The following ANO1 variants were observed in gnomAD, a reference collection of about 807,000 sequenced individuals.
ANO1 encodes the protein anoctamin 1.
In ANO1, 59 loss-of-function variants were observed where a neutral mutation model predicts 124.0. The ratio of observed to expected loss-of-function variants is 0.48; its 90% CI spans 0.39 to 0.59. The LOEUF (loss-of-function observed/expected upper bound fraction) is 0.59. Among genes scored for constraint, ANO1 ranks in the 20% least tolerant of loss-of-function variants. ANO1 has a pLI of 0.00. For missense variants in ANO1, 1,059 were observed against 1,328.0 expected, an observed-to-expected ratio of 0.80 and a Z score of 3.15; for synonymous variants, 529 against 532.0, an observed-to-expected ratio of 0.99 and a Z score of 0.08.
At chr11:70,028,825 G>A (rs57914328) in intron 1 of ANO1, among the ~76,000 whole-genome samples, 46,949 of 151,910 alleles carry the variant, frequency 0.31, 7,849 homozygotes, top group Admixed American at 0.38. Flanking sequence ...TTTGTTGCCC[G>A]GGCTAGAGTG....
At chr11:70,028,608 C>T (rs1297065124) in intron 1 of ANO1, among the ~76,000 whole-genome samples, 1 of 152,106 alleles carries the variant, frequency 6.6e-6, no homozygotes, top group African/African-American at 2.4e-5. Flanking sequence ...GCTCCCCAAC[C>T]CCCACCACAC....
At chr11:70,085,382 G>C in intron 1 of ANO1, 1 of 1,458,396 alleles carries the variant, frequency 6.9e-7, no homozygotes, top group East Asian at 2.6e-5. Context: ...AGCACCCTCA[G>C]ACTTTGTCAC....
intron 11 of ANO1, among the ~76,000 whole-genome samples, chr11:70,133,059 G>A (rs149626133): frequency 6.0e-4 from 91 of 152,262 alleles, no homozygotes; most frequent in African/African-American, 2.0e-3. Context: ...GGGCCTCTCC[G>A]TCCCACCTCG....
At chr11:70,080,512 G>T (rs2044169105) in intron 1 of ANO1, among the ~76,000 whole-genome samples, 2 of 152,196 alleles carry the variant, frequency 1.3e-5, no homozygotes, top group Non-Finnish European at 2.9e-5. Flanking sequence ...TGGATGCTCT[G>T]GGGGTAGACT....
chr11:69,971,815 C>T, the ANO1 span, among the ~76,000 whole-genome samples: 8 of 152,126 alleles, frequency 5.3e-5, no homozygotes, highest in South Asian at 6.2e-4. Flanking sequence ...CTCACCTTCA[C>T]GACTGCCGGA....
In ANO1 at chr11:70,159,129, T is replaced by C. The variant is rs78350427; in HGVS notation, c.1579-2032T>C. 6.3e-3 allele frequency among the ~76,000 whole-genome samples: 952 copies of C among 152,236 alleles called. 6 individuals carry two copies. Among genetic ancestry groups the C allele is most frequent in the African/African-American group, 0.022 (906 of 41,552 alleles). On this transcript the variant is annotated intron_variant, in intron 16 of 25. Transcript: ENST00000355303. ...CACGATGCCATCAGAGTCACTGGCT[T>C]CTCTGACCTTCTGCTAGCCTGTCCT... is the stretch of plus-strand genomic sequence containing the variant.
At chr11:70,020,121 G>A (rs1555002485) in intron 1 of ANO1, among the ~76,000 whole-genome samples, 1 of 152,232 alleles carries the variant, frequency 6.6e-6, no homozygotes, top group African/African-American at 2.4e-5. Flanking sequence ...TGGGGCAGAT[G>A]TTTAAAGCTG....
intron 1 of ANO1, among the ~76,000 whole-genome samples, chr11:70,016,755 G>A (rs1218291576): frequency 6.6e-6 from 1 of 152,238 alleles, no homozygotes; most frequent in Non-Finnish European, 1.5e-5. Context: ...AAGTAGGGCT[G>A]TGGGGCTCAC....
the ANO1 span, among the ~76,000 whole-genome samples, chr11:69,972,456 G>A: frequency 2.0e-5 from 3 of 152,192 alleles, no homozygotes; most frequent in East Asian, 1.9e-4. Context: ...ACAATGCAAC[G>A]CCTCGTTTCC....
intron 1 of ANO1, among the ~76,000 whole-genome samples, chr11:70,000,645 G>A (rs537108026): frequency 1.4e-3 from 215 of 151,248 alleles, no homozygotes; most frequent in Non-Finnish European, 2.3e-3. Flanking sequence ...GCCCAGCAAA[G>A]CCACCCCTGA....
At chr11:70,064,104 T>C (rs974336380) in intron 1 of ANO1, 1 of 152,254 alleles carries the variant, frequency 6.6e-6, no homozygotes, top group South Asian at 2.1e-4. Flanking sequence ...AGGCAGAGTT[T>C]GTCCTGCTTC....
chr11:70,023,650 C>T (rs782455657), intron 1 of ANO1, among the ~76,000 whole-genome samples: 1 of 152,184 alleles, frequency 6.6e-6, no homozygotes, highest in Non-Finnish European at 1.5e-5. Context: ...GCTCACACTG[C>T]AAGGCTGCCC....
chr11:70,008,987 C>T (rs1555000569), intron 1 of ANO1, among the ~76,000 whole-genome samples: 1 of 152,160 alleles, frequency 6.6e-6, no homozygotes, highest in Non-Finnish European at 1.5e-5. Context: ...CGTGGCCCAG[C>T]CTCAGAGTTT....
chr11:70,004,768 G>T (rs1274259571), intron 1 of ANO1, among the ~76,000 whole-genome samples: 1 of 152,184 alleles, frequency 6.6e-6, no homozygotes, highest in Non-Finnish European at 1.5e-5. Context: ...CACAAGTGAG[G>T]TTGATTTACA....
At chr11:70,030,129 C>T (rs1268855201) in intron 1 of ANO1, among the ~76,000 whole-genome samples, 1 of 152,174 alleles carries the variant, frequency 6.6e-6, no homozygotes, top group African/African-American at 2.4e-5. Context: ...AGGCCCTGGC[C>T]CTCTCAGGGA....
chr11:70,133,716 G>A (rs374885171), intron 11 of ANO1, among the ~76,000 whole-genome samples: 16 of 152,354 alleles, frequency 1.1e-4, no homozygotes, highest in Admixed American at 3.3e-4. Context: ...CGAGGAAGCC[G>A]ACAGGCTCAG....
intron 1 of ANO1, among the ~76,000 whole-genome samples, chr11:70,058,406 G>A (rs1248762427): frequency 4.6e-5 from 7 of 152,208 alleles, no homozygotes; most frequent in Admixed American, 4.6e-4. Flanking sequence ...AGTAAGTCAA[G>A]GCCTTGGCGG....
chr11:70,103,211 G>A (rs1411734181), intron 3 of ANO1, 47 bp downstream of exon 3: 1 of 1,489,166 alleles, frequency 6.7e-7, no homozygotes. Flanking sequence ...AAGTCTAGAG[G>A]TCACTTGGAC....
chr11:70,110,672 G>C (rs1356754191), intron 6 of ANO1, among the ~76,000 whole-genome samples: 1 of 152,148 alleles, frequency 6.6e-6, no homozygotes, highest in Non-Finnish European at 1.5e-5. Flanking sequence ...TGGAGTCTCA[G>C]AGGGTGGTCC....
Sources: gnomAD v4.1 joint callset for allele counts (sites outside exome capture counted in the v4.1 genomes callset) on GRCh38, gnomAD v4.1.1 for gene constraint, MANE v1.5 for transcripts, NCBI Gene and HGNC (gene_info 2026-07-23, HGNC 2026-07-21) for gene names.